The following GPC6 variants were observed in gnomAD, a reference collection of about 807,000 sequenced individuals.
GPC6 encodes glypican-6.
Under a neutral mutation model 55.2 loss-of-function variants are expected in GPC6, and 14 were observed. The ratio of observed to expected loss-of-function variants is 0.25; its 90% CI spans 0.17 to 0.40. The LOEUF (loss-of-function observed/expected upper bound fraction) is 0.40, where lower values mean the gene tolerates loss of function less well. GPC6 is among the 10% of genes least tolerant of loss of function. The pLI, the probability that GPC6 is intolerant of heterozygous loss-of-function variation, is 1.00. For missense variants in GPC6, 641 were observed against 708.5 expected (o/e 0.90, Z 1.08); for synonymous variants, 278 against 259.6 (o/e 1.07, Z -0.68).
At chr13:93,810,435 G>A (rs1313448420) in intron 2 of GPC6, among the ~76,000 whole-genome samples, 2 of 152,114 alleles carry the variant, frequency 1.3e-5, no homozygotes, top group Non-Finnish European at 2.9e-5. Context: ...TTTCAGTCCT[G>A]GCTTTAAAGT....
chr13:94,165,027 C>A (rs1243878596), intron 4 of GPC6, among the ~76,000 whole-genome samples: 5 of 151,686 alleles, frequency 3.3e-5, no homozygotes, highest in Non-Finnish European at 7.4e-5. Flanking sequence ...ACCATTCAAT[C>A]CAGCATCCCC....
At chr13:93,312,798 A>G (rs1461219554) in intron 1 of GPC6, among the ~76,000 whole-genome samples, 1 of 152,082 alleles carries the variant, frequency 6.6e-6, no homozygotes, top group Non-Finnish European at 1.5e-5. Flanking sequence ...GCTGTGTGTG[A>G]TTTTGCTTTG....
chr13:94,307,593 A>G (rs922921947), intron 6 of GPC6, among the ~76,000 whole-genome samples: 1 of 152,246 alleles, frequency 6.6e-6, no homozygotes, highest in African/African-American at 2.4e-5. Context: ...GATTACAGGC[A>G]TGAGCCAACG....
At chr13:93,471,358 C>CAAAAAAAA (rs59410717) in intron 1 of GPC6, among the ~76,000 whole-genome samples, 4 of 123,154 alleles carry the variant, frequency 3.2e-5, no homozygotes, top group Non-Finnish European at 6.7e-5. Context: ...TCTAAAAATA[C>CAAAAAAAA]AAAAAAAAAA....
At chr13:93,242,518 C>G (rs1566538021) in intron 1 of GPC6, among the ~76,000 whole-genome samples, 1 of 152,174 alleles carries the variant, frequency 6.6e-6, no homozygotes, top group African/African-American at 2.4e-5. Context: ...TACAGATGCA[C>G]CCAAGCCAAG....
At chr13:94,300,831 C>G (rs1488088701) in intron 5 of GPC6, among the ~76,000 whole-genome samples, 2 of 152,160 alleles carry the variant, frequency 1.3e-5, no homozygotes, top group Non-Finnish European at 2.9e-5. Flanking sequence ...CAGCGATAAC[C>G]TCTAAAAACT....
At chr13:94,052,837 T>C (rs939598317) in intron 4 of GPC6, among the ~76,000 whole-genome samples, 7 of 152,128 alleles carry the variant, frequency 4.6e-5, no homozygotes, top group Non-Finnish European at 1.0e-4. Context: ...GCTATGCCCC[T>C]TGGGACTCTG....
intron 3 of GPC6, among the ~76,000 whole-genome samples, chr13:93,888,682 G>A (rs996376501): frequency 6.6e-5 from 10 of 152,108 alleles, no homozygotes; most frequent in South Asian, 6.2e-4. Context: ...GAAGTTGACA[G>A]GAACATGAAA....
At chr13:94,092,370 T>G (rs1291836152) in intron 4 of GPC6, among the ~76,000 whole-genome samples, 1 of 152,168 alleles carries the variant, frequency 6.6e-6, no homozygotes, top group Non-Finnish European at 1.5e-5. Flanking sequence ...GATTCCCATA[T>G]AAGTGAGATC....
chr13:93,532,624 T>G (rs914339990), intron 1 of GPC6, among the ~76,000 whole-genome samples: 1 of 152,140 alleles, frequency 6.6e-6, no homozygotes, highest in African/African-American at 2.4e-5. Context: ...CACTGCCCAC[T>G]CCTCACCTCC....
intron 1 of GPC6, among the ~76,000 whole-genome samples, chr13:93,509,092 C>T (rs1880844645): frequency 6.6e-6 from 1 of 152,040 alleles, no homozygotes; most frequent in African/African-American, 2.4e-5. Context: ...GAGCACATAC[C>T]AGTTGGGGTG....
chr13:93,673,698 A>G (rs553560599), intron 2 of GPC6, among the ~76,000 whole-genome samples: 5 of 152,306 alleles, frequency 3.3e-5, no homozygotes, highest in African/African-American at 9.6e-5. Flanking sequence ...TTCAACCACA[A>G]TGGTTGTGGT....
intron 3 of GPC6, among the ~76,000 whole-genome samples, chr13:93,995,917 A>G (rs963367649): frequency 3.9e-5 from 6 of 152,188 alleles, no homozygotes; most frequent in Admixed American, 3.9e-4. Context: ...AGTCATCCCC[A>G]GAAAAGATGA....
chr13:93,471,358 C>A (rs1221306741), intron 1 of GPC6, among the ~76,000 whole-genome samples: 60 of 123,116 alleles, frequency 4.9e-4, no homozygotes, highest in African/African-American at 1.2e-3. Context: ...TCTAAAAATA[C>A]AAAAAAAAAA....
intron 3 of GPC6, among the ~76,000 whole-genome samples, chr13:93,924,525 C>T (rs543453415): frequency 9.9e-5 from 15 of 152,224 alleles, no homozygotes; most frequent in Admixed American, 5.2e-4. Context: ...AACCTGACTT[C>T]GATTTTTCTT....
At chr13:94,300,356 G>C (rs1875584380) in intron 5 of GPC6, among the ~76,000 whole-genome samples, 1 of 152,204 alleles carries the variant, frequency 6.6e-6, no homozygotes, top group Non-Finnish European at 1.5e-5. Context: ...AATACGTTAA[G>C]ATGCCCTAAT....
intron 1 of GPC6, among the ~76,000 whole-genome samples, chr13:93,414,449 A>G (rs560750363): frequency 6.6e-6 from 1 of 152,304 alleles, no homozygotes; most frequent in East Asian, 1.9e-4. Flanking sequence ...GCAAAATTGC[A>G]CAAATTCAGC....
intron 4 of GPC6, among the ~76,000 whole-genome samples, chr13:94,050,652 C>T (rs1353157917): frequency 6.6e-6 from 1 of 152,168 alleles, no homozygotes; most frequent in Non-Finnish European, 1.5e-5. Context: ...GGCACCAGCG[C>T]TAAGGTGCCA....
chr13:93,302,761 T>C (rs1878726150), intron 1 of GPC6, among the ~76,000 whole-genome samples: 1 of 151,996 alleles, frequency 6.6e-6, no homozygotes, highest in Admixed American at 6.6e-5. Context: ...TCTAGTGGAG[T>C]CAAGGCATAG....
Sources: gnomAD v4.1 joint callset for allele counts (sites outside exome capture counted in the v4.1 genomes callset) on GRCh38, gnomAD v4.1.1 for gene constraint, MANE v1.5 for transcripts, NCBI Gene and HGNC (gene_info 2026-07-23, HGNC 2026-07-21) for gene names.